The following CNTNAP2 variants were observed in gnomAD, a reference collection of about 807,000 sequenced individuals.
The protein encoded by CNTNAP2 is contactin-associated protein-like 2.
Under a neutral mutation model 155.2 loss-of-function variants are expected in CNTNAP2, and 98 were observed. That is an observed-to-expected ratio of 0.63 (90% CI 0.54 to 0.75). CNTNAP2 has a LOEUF of 0.75. Ranked by LOEUF, CNTNAP2 falls within the 30% of genes least tolerant of loss-of-function variation. The pLI is 0.00. For synonymous variants in CNTNAP2, 651 were observed against 631.2 expected, an observed-to-expected ratio of 1.03 and a Z score of -0.47; for missense variants, 1,727 against 1,688.1, an observed-to-expected ratio of 1.02 and a Z score of -0.40.
rs374710745 is a variant in CNTNAP2, at chr7:146,891,553, T to A, written c.402+51649T>A. 1.6e-4 allele frequency among the ~76,000 whole-genome samples: 24 copies of A among 152,310 alleles called. No homozygotes were observed. The East Asian group carries it at 2.3e-3, about 15-fold the overall frequency. On this transcript the variant is annotated intron_variant, in intron 3 of 23. Transcript: ENST00000361727. ...AGAAATTACAGGCATACATGAAATA[T>A]CAGCTCTGTGTATTTTTTTGGCAGT...
At chr7:146,243,048 TTTTG>T (rs1799588858) in intron 1 of CNTNAP2, among the ~76,000 whole-genome samples, 1 of 137,598 alleles carries the variant, frequency 7.3e-6, no homozygotes, top group Admixed American at 6.7e-5. Flanking sequence ...TCTTTCTTGT[TTTTG>T]TTTGTGATTT....
intron 13 of CNTNAP2, among the ~76,000 whole-genome samples, chr7:147,685,214 G>C (rs1162848105): frequency 6.6e-6 from 1 of 151,958 alleles, no homozygotes; most frequent in African/African-American, 2.4e-5. Flanking sequence ...TCCTGAACTT[G>C]CGTATAGAGA....
intron 3 of CNTNAP2, among the ~76,000 whole-genome samples, chr7:146,967,087 T>C (rs1362042197): frequency 3.3e-5 from 5 of 152,124 alleles, no homozygotes. Context: ...AGTGATCTGG[T>C]TTTGTGTGTC....
At chr7:147,331,739 T>C (rs6977497) in intron 9 of CNTNAP2, among the ~76,000 whole-genome samples, 29,719 of 152,066 alleles carry the variant, frequency 0.2, 3,159 homozygotes, top group East Asian at 0.36. Flanking sequence ...ATATAAAGAC[T>C]CATCGAGATT....
intron 3 of CNTNAP2, among the ~76,000 whole-genome samples, chr7:146,969,729 CAA>C (rs1425221021): frequency 6.6e-6 from 1 of 151,660 alleles, no homozygotes. Context: ...CATATGGCAC[CAA>C]AAAAGAGCCT....
intron 1 of CNTNAP2, among the ~76,000 whole-genome samples, chr7:146,146,582 G>A (rs1205605482): frequency 3.3e-5 from 5 of 151,716 alleles, no homozygotes; most frequent in South Asian, 4.2e-4. Context: ...TAGCATATGC[G>A]TTTGTCTTTG....
intron 1 of CNTNAP2, among the ~76,000 whole-genome samples, chr7:146,531,177 T>C (rs1291156173): frequency 6.6e-6 from 1 of 151,968 alleles, no homozygotes; most frequent in African/African-American, 2.4e-5. Flanking sequence ...ATTGAGTACA[T>C]ATGAGCACAA....
intron 12 of CNTNAP2, among the ~76,000 whole-genome samples, chr7:147,633,318 G>T (rs1795120776): frequency 6.6e-6 from 1 of 152,198 alleles, no homozygotes; most frequent in African/African-American, 2.4e-5. Flanking sequence ...GAGGATGTAT[G>T]GAAATGCCTG....
intron 1 of CNTNAP2, among the ~76,000 whole-genome samples, chr7:146,437,618 T>C (rs1724488): frequency 0.037 from 5,623 of 151,564 alleles, 596 homozygotes; most frequent in African/African-American, 0.13. Context: ...TTGTGCTTCA[T>C]TGACACTTAA....
chr7:148,237,692 C>T (rs1267164830), intron 20 of CNTNAP2, among the ~76,000 whole-genome samples: 1 of 150,254 alleles, frequency 6.7e-6, no homozygotes, highest in Non-Finnish European at 1.5e-5. Context: ...TAGTCTGAGG[C>T]ACATGCAGAG....
intron 8 of CNTNAP2, among the ~76,000 whole-genome samples, chr7:147,188,159 A>G (rs1802606493): frequency 6.6e-6 from 1 of 152,246 alleles, no homozygotes; most frequent in Non-Finnish European, 1.5e-5. Flanking sequence ...TAACTTTTAG[A>G]AGAGATTTAT....
At chr7:146,545,389 C>T (rs1318813326) in intron 1 of CNTNAP2, among the ~76,000 whole-genome samples, 2 of 151,438 alleles carry the variant, frequency 1.3e-5, no homozygotes, top group Admixed American at 6.6e-5. Flanking sequence ...ATGTGCAGAA[C>T]GTGCAGGTTT....
At chr7:146,944,721 A>G (rs1797126273) in intron 3 of CNTNAP2, among the ~76,000 whole-genome samples, 2 of 152,030 alleles carry the variant, frequency 1.3e-5, no homozygotes, top group South Asian at 4.1e-4. Context: ...TACTAAAAAT[A>G]TAAAAAAATT....
intron 15 of CNTNAP2, among the ~76,000 whole-genome samples, chr7:148,017,430 A>T (rs1802199665): frequency 6.6e-6 from 1 of 152,236 alleles, no homozygotes; most frequent in Non-Finnish European, 1.5e-5. Flanking sequence ...TATATCTAGC[A>T]TACAAAAAGG....
At chr7:148,331,573 T>TGGATAGAGTGGATGGATGGAACGGAC (rs1798014160) in intron 21 of CNTNAP2, among the ~76,000 whole-genome samples, 3 of 5,736 alleles carry the variant, frequency 5.2e-4, no homozygotes, top group Admixed American at 1.4e-3. Flanking sequence ...ATGGAGTGGA[T>TGGATAGAGTGGATGGATGGAACGGAC]GGATGGAATG....
chr7:148,026,086 C>T (rs1409278212), intron 15 of CNTNAP2, among the ~76,000 whole-genome samples: 2 of 152,128 alleles, frequency 1.3e-5, no homozygotes, highest in South Asian at 2.1e-4. Flanking sequence ...TAGGACAAAG[C>T]AGGCAGATTT....
intron 15 of CNTNAP2, among the ~76,000 whole-genome samples, chr7:148,090,301 C>G (rs1249388703): frequency 6.6e-6 from 1 of 151,990 alleles, no homozygotes; most frequent in Non-Finnish European, 1.5e-5. Context: ...AGGAAACAAT[C>G]CAACAGACTG....
chr7:147,705,989 T>C lies in CNTNAP2; in HGVS notation c.2098+66683T>C, dbSNP rs143131324. Among the ~76,000 whole-genome samples, 601 of 152,204 alleles carry C rather than the reference T, an allele frequency of 3.9e-3. 1 individual carries two copies. The highest frequency in any genetic ancestry group is 0.02 in the Middle Eastern group (6 of 294). On this transcript the variant is annotated intron_variant, in intron 13 of 23. Transcript: ENST00000361727. ...TGGAAGAGAGTTGGCTCATTTTTTT[T>C]TTGTCTTTTCAGCCAGTCCATATCT...
intron 1 of CNTNAP2, among the ~76,000 whole-genome samples, chr7:146,213,671 A>G (rs1220605900): frequency 6.6e-6 from 1 of 152,206 alleles, no homozygotes; most frequent in Non-Finnish European, 1.5e-5. Flanking sequence ...AATGGGAACT[A>G]GATTCAAATA....
Sources: allele counts gnomAD v4.1 joint callset (sites outside exome capture counted in the v4.1 genomes callset), GRCh38; gene constraint gnomAD v4.1.1; transcripts MANE v1.5; gene names NCBI Gene and HGNC (gene_info 2026-07-23, HGNC 2026-07-21).